REPS1: variants seen among roughly 807,000 people sequenced by gnomAD.
REPS1 encodes the protein RALBP1 associated Eps domain containing 1.
Under a neutral mutation model 100.9 loss-of-function variants are expected in REPS1, and 39 were observed. That is an observed-to-expected ratio of 0.39 (90% CI 0.30 to 0.50). The LOEUF (loss-of-function observed/expected upper bound fraction) is 0.50. REPS1 is among the 20% of genes least tolerant of loss of function. The pLI is 0.86. For synonymous variants in REPS1, 324 were observed against 340.3 expected, an observed-to-expected ratio of 0.95 and a Z score of 0.53; for missense variants, 821 against 968.5, an observed-to-expected ratio of 0.85 and a Z score of 2.02.
intron 1 of REPS1, among the ~76,000 whole-genome samples, chr6:138,967,336 A>G (rs554698178): frequency 5.9e-5 from 9 of 152,334 alleles, no homozygotes; most frequent in East Asian, 3.9e-4. Context: ...TATTTCTGCC[A>G]AAGTGCCAGA....
chr6:138,985,967 T>C (rs914838338), intron 1 of REPS1, among the ~76,000 whole-genome samples: 3 of 152,230 alleles, frequency 2.0e-5, no homozygotes, highest in Non-Finnish European at 4.4e-5. Context: ...AGGTATACTT[T>C]GTTATTTCTT....
chr6:138,941,749 T>C (rs1318211270), intron 7 of REPS1, among the ~76,000 whole-genome samples: 2 of 152,192 alleles, frequency 1.3e-5, no homozygotes, highest in African/African-American at 4.8e-5. Context: ...GCAGCCCCAA[T>C]AATTAAGGTC....
At chr6:138,938,050 T>C (rs1456270875) in intron 8 of REPS1, among the ~76,000 whole-genome samples, 1 of 152,158 alleles carries the variant, frequency 6.6e-6, no homozygotes, top group Non-Finnish European at 1.5e-5. Context: ...AAGCTAAATA[T>C]TCTTTAATTC....
intron 4 of REPS1, 99 bp downstream of exon 4, chr6:138,945,120 C>T (rs1172578459): frequency 4.8e-6 from 5 of 1,051,472 alleles, no homozygotes; most frequent in African/African-American, 3.3e-5. Flanking sequence ...ATAATCCCCA[C>T]CTACTCAGGA....
At chr6:138,985,719 T>C (rs1270255857) in intron 1 of REPS1, among the ~76,000 whole-genome samples, 1 of 152,360 alleles carries the variant, frequency 6.6e-6, no homozygotes, top group South Asian at 2.1e-4. Context: ...AATTTATTTT[T>C]TGAATGTTAA....
intron 1 of REPS1, among the ~76,000 whole-genome samples, chr6:138,981,883 T>C (rs1427851250): frequency 6.6e-6 from 1 of 151,736 alleles, no homozygotes; most frequent in African/African-American, 2.4e-5. Context: ...ATACTAAAAC[T>C]CTAACTCTGG....
intron 12 of REPS1, among the ~76,000 whole-genome samples, chr6:138,919,253 C>T (rs915663780): frequency 1.3e-5 from 2 of 152,080 alleles, no homozygotes; most frequent in African/African-American, 4.8e-5. Context: ...CACAATATAG[C>T]CAGAGTCCAG....
chr6:138,944,699 A>G, intron 4 of REPS1, 77 bp from the exon 5 acceptor site: 1 of 1,392,134 alleles, frequency 7.2e-7, no homozygotes, highest in South Asian at 1.4e-5. Context: ...TCCAACTCTT[A>G]CTCTGAAGAA....
At chr6:138,931,639 A>G (rs1264321416) in intron 8 of REPS1, among the ~76,000 whole-genome samples, 2 of 152,202 alleles carry the variant, frequency 1.3e-5, no homozygotes, top group Non-Finnish European at 2.9e-5. Flanking sequence ...TCTGGGTAGT[A>G]CAGAAGTAGG....
At chr6:138,955,380 CCA>C (rs1783310336) in intron 1 of REPS1, among the ~76,000 whole-genome samples, 1 of 149,948 alleles carries the variant, frequency 6.7e-6, no homozygotes, top group Non-Finnish European at 1.5e-5. Flanking sequence ...CCCAGGAGCT[CCA>C]GACTGCAGTG....
intron 8 of REPS1, among the ~76,000 whole-genome samples, chr6:138,939,169 TA>T (rs1351665073): frequency 1.3e-5 from 2 of 152,176 alleles, no homozygotes; most frequent in African/African-American, 4.8e-5. Context: ...ATCAACAGAA[TA>T]CCAAAATATA....
Position 138,985,801 on chromosome 6 carries a change from A to AT in REPS1, c.153+1728_153+1729insA, listed in dbSNP as rs554477134. Among the ~76,000 whole-genome samples the AT allele has an allele frequency of 2.0e-5, 3 of 152,336 alleles. No homozygotes were observed. In the South Asian group the frequency reaches 6.2e-4, roughly 32 times the overall value. ...TTTGAAGTAAAGATTCATTAATGCTAATGTGTCTGTCCTAAAAATTACATT... is the reference window on the plus strand; with the variant it reads ...TTTGAAGTAAAGATTCATTAATGCTATATGTGTCTGTCCTAAAAATTACATT... On this transcript the variant is annotated intron_variant, in intron 1 of 19. Coordinates refer to ENST00000450536, the MANE Select transcript of REPS1 (RefSeq NM_001286611.2).
chr6:138,922,954 T>A (rs1367495999), intron 10 of REPS1, among the ~76,000 whole-genome samples: 1 of 152,250 alleles, frequency 6.6e-6, no homozygotes, highest in Non-Finnish European at 1.5e-5. Context: ...AAACAACTTG[T>A]AACAAATTCT....
chr6:138,950,142 G>A (rs1170306494), intron 1 of REPS1, among the ~76,000 whole-genome samples: 2 of 152,110 alleles, frequency 1.3e-5, no homozygotes, highest in Non-Finnish European at 2.9e-5. Flanking sequence ...ATTTTGGAAT[G>A]AGAAACAAAT....
At chr6:138,974,457 C>T (rs975707430) in intron 1 of REPS1, among the ~76,000 whole-genome samples, 37 of 152,286 alleles carry the variant, frequency 2.4e-4, no homozygotes, top group Middle Eastern at 3.4e-3. Flanking sequence ...AATACAATGA[C>T]TATGTGTCCA....
Position 138,945,157 on chromosome 6 carries a change from C to T in REPS1, c.628+62G>A, listed in dbSNP as rs545201393. The T allele has an allele frequency of 4.2e-6, 6 of 1,420,126 alleles. 1 individual carries two copies. The South Asian group carries it at 8.6e-5, about 20-fold the overall frequency. 88.0% of individuals were successfully genotyped at this position (1,420,126 alleles called of 1,614,324 possible). ...GCTGAGGCAGGAGGATCATTTGAAC[C>T]CAGGAGTGCAAGACCAGCCTGGGCA... On this transcript the variant is annotated intron_variant, in intron 4 of 19. Coordinates refer to ENST00000450536, the MANE Select transcript of REPS1 (RefSeq NM_001286611.2).
At chr6:138,943,603 A>G (rs1782408093) in intron 6 of REPS1, 27 bp from the exon 7 acceptor site, 2 of 1,503,686 alleles carry the variant, frequency 1.3e-6, no homozygotes, top group South Asian at 2.3e-5. Context: ...GTGTTGTTTA[A>G]TGTTATTCTG....
chr6:138,933,511 T>C (rs1269723891), intron 8 of REPS1, among the ~76,000 whole-genome samples: 3 of 151,914 alleles, frequency 2.0e-5, no homozygotes, highest in African/African-American at 7.3e-5. Context: ...TAGTCAAAAA[T>C]GAGCAGTAGG....
intron 1 of REPS1, among the ~76,000 whole-genome samples, chr6:138,987,297 C>G (rs142793609): frequency 6.6e-6 from 1 of 152,234 alleles, no homozygotes; most frequent in African/African-American, 2.4e-5. Context: ...GGGATACCGG[C>G]TGAGGCTCTT....
Sources: gnomAD v4.1 joint callset for allele counts (sites outside exome capture counted in the v4.1 genomes callset) on GRCh38, gnomAD v4.1.1 for gene constraint, MANE v1.5 for transcripts, NCBI Gene and HGNC (gene_info 2026-07-23, HGNC 2026-07-21) for gene names.